The following MRPS27 variants were observed in gnomAD, a reference collection of about 807,000 sequenced individuals.
MRPS27 encodes small ribosomal subunit protein mS27.
MRPS27 carries 43 observed loss-of-function variants against 48.9 expected under a neutral mutation model. That is an observed-to-expected ratio of 0.88 (90% confidence interval 0.69 to 1.13). The LOEUF (loss-of-function observed/expected upper bound fraction) is 1.13. Among genes scored for constraint, MRPS27 ranks in the 50% most tolerant of loss-of-function variants. The pLI, the probability that MRPS27 is intolerant of heterozygous loss-of-function variation, is 0.00. For missense variants in MRPS27, 467 were observed against 476.3 expected (o/e 0.98, Z 0.18); for synonymous variants, 188 against 171.9 (o/e 1.09, Z -0.73).
chr5:72,257,841 T>C (rs759149848), intron 4 of MRPS27, among the ~76,000 whole-genome samples: 4 of 152,060 alleles, frequency 2.6e-5, no homozygotes, highest in Non-Finnish European at 5.9e-5. Flanking sequence ...TCCCAGCACT[T>C]TGGGAGGCTG....
chr5:72,264,603 G>C (rs148515638), intron 4 of MRPS27, among the ~76,000 whole-genome samples: 163 of 152,324 alleles, frequency 1.1e-3, no homozygotes, highest in African/African-American at 3.8e-3. Context: ...GACATCCTTA[G>C]AGGAAGAGAA....
intron 2 of MRPS27, among the ~76,000 whole-genome samples, chr5:72,313,748 T>C (rs1750497996): frequency 6.6e-6 from 1 of 152,030 alleles, no homozygotes; most frequent in Non-Finnish European, 1.5e-5. Context: ...ATAAAGAGAC[T>C]GACAATAAGA....
At chr5:72,259,275 C>A (rs765794328) in intron 4 of MRPS27, among the ~76,000 whole-genome samples, 5 of 152,034 alleles carry the variant, frequency 3.3e-5, no homozygotes, top group African/African-American at 1.2e-4. Context: ...TTGAGACCAG[C>A]CTGACCAACA....
At chr5:72,285,567 A>T (rs1749650443) in intron 4 of MRPS27, among the ~76,000 whole-genome samples, 1 of 152,146 alleles carries the variant, frequency 6.6e-6, no homozygotes, top group Admixed American at 6.5e-5. Context: ...CAGTGGCTCG[A>T]TCATAGCTCA....
chr5:72,225,995 T>C (rs1747883822), intron 9 of MRPS27, 62 bp downstream of exon 9: 1 of 1,541,768 alleles, frequency 6.5e-7, no homozygotes, highest in Non-Finnish European at 8.8e-7. Context: ...AAAACAAATT[T>C]AAAGCTCAGG....
intron 4 of MRPS27, among the ~76,000 whole-genome samples, chr5:72,254,221 G>A (rs1288962864): frequency 1.3e-5 from 2 of 152,220 alleles, no homozygotes; most frequent in Non-Finnish European, 2.9e-5. Context: ...AAACCAGCAC[G>A]AAGGAATACC....
At position 72,301,626 on chromosome 5, in the gene MRPS27, T is replaced by G. The variant is rs76035683; in HGVS notation, c.152-3924A>C. On this transcript the variant is annotated intron_variant, in intron 2 of 10. Coordinates refer to ENST00000261413, the MANE Select transcript of MRPS27 (RefSeq NM_015084.3). ...CTGATCACCTCTGTAGTGTGGTAAC[T>G]CAAGATTGCATGTGAATCCTTCGCA... is the stretch of plus-strand genomic sequence containing the variant. Among the ~76,000 whole-genome samples the G allele has an allele frequency of 3.7e-3, 567 of 152,346 alleles. 1 individual carries two copies. The highest frequency in any genetic ancestry group is 0.013 in the African/African-American group (551 of 41,578).
intron 4 of MRPS27, among the ~76,000 whole-genome samples, chr5:72,244,511 T>C (rs1748453741): frequency 6.6e-6 from 1 of 152,194 alleles, no homozygotes; most frequent in Admixed American, 6.5e-5. Context: ...GTCACCACAT[T>C]ATTCTCTCTC....
intron 2 of MRPS27, among the ~76,000 whole-genome samples, chr5:72,308,737 C>T (rs1044352231): frequency 6.6e-6 from 1 of 152,196 alleles, no homozygotes; most frequent in African/African-American, 2.4e-5. Context: ...AAAACAATGT[C>T]CATTTTGAAA....
In MRPS27 at chr5:72,220,659, A is replaced by T; in HGVS notation, c.*250T>A. 1 of 504,916 alleles carries T rather than the reference A, an allele frequency of 2.0e-6. No individual in the cohort carries two copies. The highest frequency in any genetic ancestry group is 3.5e-6 in the Non-Finnish European group (1 of 286,518). 31.3% of individuals were successfully genotyped at this position (504,916 alleles called of 1,614,324 possible). On this transcript the variant is annotated 3_prime_UTR_variant, in exon 11 of 11. Transcript: ENST00000261413. ...CCTGTGCCCCAGGAACTCCATTATG[A>T]GCCTCAAGAGTCCTCCTTAAGGTAT...
intron 4 of MRPS27, among the ~76,000 whole-genome samples, chr5:72,254,678 C>T (rs1400126203): frequency 6.6e-6 from 1 of 152,156 alleles, no homozygotes. Context: ...GCACCTACTT[C>T]CTCTAGCAAA....
At chr5:72,225,201 G>A (rs182754283) in intron 9 of MRPS27, among the ~76,000 whole-genome samples, 1 of 152,326 alleles carries the variant, frequency 6.6e-6, no homozygotes, top group East Asian at 1.9e-4. Context: ...CTGGCAAAGA[G>A]CATAATGATT....
chr5:72,285,720 T>C (rs1475565574), intron 4 of MRPS27, among the ~76,000 whole-genome samples: 1 of 152,212 alleles, frequency 6.6e-6, no homozygotes, highest in Admixed American at 6.5e-5. Context: ...AAACGGAGTC[T>C]CACTATGTTG....
chr5:72,287,257 G>C (rs1020142297), intron 4 of MRPS27, among the ~76,000 whole-genome samples: 11 of 152,022 alleles, frequency 7.2e-5, no homozygotes, highest in Non-Finnish European at 7.4e-5. Context: ...CCAGTCCCTG[G>C]TGCCAAAAAG....
chr5:72,231,625 T>G (rs1158330288), intron 7 of MRPS27, among the ~76,000 whole-genome samples: 1 of 152,164 alleles, frequency 6.6e-6, no homozygotes, highest in Non-Finnish European at 1.5e-5. Flanking sequence ...GTGGGGTATA[T>G]CATAAGACTA....
chr5:72,291,481 A>G (rs1327123777), intron 4 of MRPS27, among the ~76,000 whole-genome samples: 1 of 152,216 alleles, frequency 6.6e-6, no homozygotes, highest in Non-Finnish European at 1.5e-5. Flanking sequence ...AATGCATGAA[A>G]TAACACTAGC....
chr5:72,241,817 T>A, intron 4 of MRPS27: 1 of 813,118 alleles, frequency 1.2e-6, no homozygotes, highest in Non-Finnish European at 2.0e-6. Context: ...CCAGCCACTG[T>A]AGGAGTCCCC....
intron 4 of MRPS27, among the ~76,000 whole-genome samples, chr5:72,244,821 C>A (rs959770747): frequency 2.0e-5 from 3 of 152,098 alleles, no homozygotes; most frequent in Admixed American, 2.0e-4. Flanking sequence ...TGACATCTCT[C>A]CCTTTCTGAT....
At chr5:72,281,940 T>C (rs1166098435) in intron 4 of MRPS27, among the ~76,000 whole-genome samples, 1 of 152,240 alleles carries the variant, frequency 6.6e-6, no homozygotes, top group Non-Finnish European at 1.5e-5. Flanking sequence ...ACACTGTTCA[T>C]GTGCTGTAAT....
Sources: allele counts gnomAD v4.1 joint callset (sites outside exome capture counted in the v4.1 genomes callset), GRCh38; gene constraint gnomAD v4.1.1; transcripts MANE v1.5; gene names NCBI Gene and HGNC (gene_info 2026-07-23, HGNC 2026-07-21).